Variants in ABR observed in about 807,000 individuals in gnomAD.
The protein encoded by ABR is active breakpoint cluster region-related protein.
In ABR, 35 loss-of-function variants were observed where a neutral mutation model predicts 107.2. That is an observed-to-expected ratio of 0.33 (90% CI 0.25 to 0.43). ABR has a LOEUF of 0.43. ABR is among the 20% of genes least tolerant of loss of function. The pLI, the probability that ABR is intolerant of heterozygous loss-of-function variation, is 1.00. For synonymous variants in ABR, 498 were observed against 462.0 expected, an observed-to-expected ratio of 1.08 and a Z score of -1.00; for missense variants, 815 against 1,115.2, an observed-to-expected ratio of 0.73 and a Z score of 3.83.
chr17:1,137,238 T>A (rs1029603589), intron 1 of ABR, among the ~76,000 whole-genome samples: 6 of 152,060 alleles, frequency 3.9e-5, no homozygotes, highest in Admixed American at 3.9e-4. Flanking sequence ...GCGATGGGGT[T>A]TCACCATGTT....
intron 16 of ABR, among the ~76,000 whole-genome samples, chr17:1,033,060 T>C (rs8069477): frequency 0.42 from 64,325 of 152,046 alleles, 14,541 homozygotes; most frequent in Admixed American, 0.52. Context: ...GGGAGGTCCC[T>C]CCAAAGCCCT....
At chr17:1,228,776 C>G (rs1196293397) in intron 1 of ABR, 2 of 149,276 alleles carry the variant, frequency 1.3e-5, no homozygotes, top group Non-Finnish European at 3.0e-5. Context: ...CGAGCGGGGT[C>G]TGGGGGGGGC....
chr17:1,125,980 C>A (rs1359414173), intron 1 of ABR, among the ~76,000 whole-genome samples: 1 of 152,178 alleles, frequency 6.6e-6, no homozygotes. Flanking sequence ...GACAGGGGCT[C>A]ACAGCAGACT....
intron 16 of ABR, among the ~76,000 whole-genome samples, chr17:1,024,040 A>AAAAAAAAAAGAAAAAAAAAAAAAT (rs2071959455): frequency 6.7e-6 from 1 of 149,226 alleles, no homozygotes; most frequent in Non-Finnish European, 1.5e-5. Context: ...AAAAAAAAAA[A>AAAAAAAAAAGAAAAAAAAAAAAAT]AAAAAAAAAG....
intron 1 of ABR, chr17:1,178,104 T>G (rs2041977307): frequency 6.6e-6 from 1 of 151,812 alleles, no homozygotes; most frequent in African/African-American, 2.4e-5. Context: ...AGGAGGCGGG[T>G]GGAGAAGAAG....
Position 1,067,072 on chromosome 17 carries a change from C to A in ABR, c.1182+5G>T. On this transcript the variant is annotated splice_donor_5th_base_variant and intron_variant, in intron 10 of 22. Coordinates refer to ENST00000302538, the MANE Select transcript of ABR (RefSeq NM_021962.5). ...CCCCAGGCTCAGATACCAAGCTCTG[C>A]TCACCTCCTTCTGGATTTCACTCTT... 6.2e-7 allele frequency: 1 copy of A among 1,612,682 alleles called. No homozygotes were observed. Among genetic ancestry groups the A allele is most frequent in the Non-Finnish European group, 8.5e-7 (1 of 1,179,376 alleles).
At chr17:1,105,819 T>C (rs1482933860) in intron 2 of ABR, among the ~76,000 whole-genome samples, 1 of 152,040 alleles carries the variant, frequency 6.6e-6, no homozygotes, top group African/African-American at 2.4e-5. Flanking sequence ...AGAGCCATGA[T>C]TGTGCCATCG....
chr17:1,069,207 A>G (rs898481011), intron 9 of ABR, among the ~76,000 whole-genome samples: 1 of 152,294 alleles, frequency 6.6e-6, no homozygotes, highest in African/African-American at 2.4e-5. Flanking sequence ...GAGAACATTT[A>G]AAAACAGGGA....
At chr17:1,164,197 G>T (rs61590878) in intron 1 of ABR, among the ~76,000 whole-genome samples, 1 of 29,776 alleles carries the variant, frequency 3.4e-5, no homozygotes, top group African/African-American at 1.6e-4. Flanking sequence ...AGACGCAGGG[G>T]CCCCAGATAA....
chr17:1,059,226 T>G (rs2033665547), intron 10 of ABR, among the ~76,000 whole-genome samples: 1 of 152,104 alleles, frequency 6.6e-6, no homozygotes. Flanking sequence ...AGACCACTCC[T>G]CTAGCCCAGG....
intron 1 of ABR, among the ~76,000 whole-genome samples, chr17:1,161,743 C>T (rs1410148726): frequency 6.6e-6 from 1 of 152,032 alleles, no homozygotes; most frequent in Non-Finnish European, 1.5e-5. Flanking sequence ...TTAGTAGAGA[C>T]AGGGTTTCAC....
Position 1,010,890 on chromosome 17 carries a change from A to G in ABR, c.2102-27T>C, listed in dbSNP as rs1372651326. 6.2e-7 allele frequency: 1 copy of G among 1,611,936 alleles called. No individual in the cohort carries two copies. Among genetic ancestry groups the G allele is most frequent in the Non-Finnish European group, 8.5e-7 (1 of 1,179,826 alleles). On this transcript the variant is annotated intron_variant, in intron 19 of 22. Transcript: ENST00000302538. The surrounding 1 kb of genome is among the most constrained non-coding windows in gnomAD (Gnocchi z 4.1). ...TGCAGGGGTGGGGCCGAGGTCAGGC[A>G]GCCTTAGCTGGGCCAGCAGCCCCGT...
At chr17:1,170,541 A>G (rs1408384356) in intron 1 of ABR, among the ~76,000 whole-genome samples, 1 of 152,068 alleles carries the variant, frequency 6.6e-6, no homozygotes, top group African/African-American at 2.4e-5. Flanking sequence ...GATTCAAGCA[A>G]TTCTCCTACC....
chr17:1,054,432 C>A (rs569969439), intron 14 of ABR, among the ~76,000 whole-genome samples: 4 of 152,152 alleles, frequency 2.6e-5, no homozygotes, highest in Non-Finnish European at 4.4e-5. Context: ...GTGCCATAAC[C>A]AGCTTGCCCT....
In ABR at chr17:1,091,940, G is replaced by A. The variant is rs113379680; in HGVS notation, c.346-90C>T. Reference sequence around the variant, plus strand: ...CCGGGGCCGATCGTTAGCCCTTCCCGCTGCCCAAGTCCTGCCCAGACAAGG... The same window carrying A: ...CCGGGGCCGATCGTTAGCCCTTCCCACTGCCCAAGTCCTGCCCAGACAAGG... On this transcript the variant is annotated intron_variant, in intron 3 of 22. Transcript: ENST00000302538. The A allele has an allele frequency of 8.8e-3, 11,819 of 1,344,180 alleles. 107 individuals are homozygous for A. The highest frequency in any genetic ancestry group is 0.038 in the Middle Eastern group (148 of 3,942). 83.3% of individuals were successfully genotyped at this position (1,344,180 alleles called of 1,614,324 possible). A position where few individuals can be genotyped will look rare whatever the true frequency, so the allele number is the denominator to read the frequency against.
At chr17:1,009,847 G>C in intron 20 of ABR, 63 bp from the exon 21 acceptor site, 1 of 1,451,272 alleles carries the variant, frequency 6.9e-7, no homozygotes, top group South Asian at 1.1e-5. Context: ...GGCCCCTGTG[G>C]TCGTGAGGCT....
chr17:1,125,164 G>A lies in ABR; in HGVS notation c.246+19C>T, dbSNP rs755044923. ...CGTCACCCCTCCCCAAACCCAGAAAGAAAAGCCGGTGTACCTACCCCAGGA... is the reference window on the plus strand; with the variant it reads ...CGTCACCCCTCCCCAAACCCAGAAAAAAAAGCCGGTGTACCTACCCCAGGA... On this transcript the variant is annotated intron_variant, in intron 2 of 22. Transcript: ENST00000302538. 2 of 1,543,216 alleles carry A rather than the reference G, an allele frequency of 1.3e-6. No homozygotes were observed. The highest frequency in any genetic ancestry group is 4.0e-5 in the Admixed American group (2 of 49,814).
rs748758108 is a variant in ABR at position 1,157,721 on chromosome 17, G to A, written c.61+21946C>T. Among the ~76,000 whole-genome samples the A allele has an allele frequency of 1.9e-4, 29 of 152,226 alleles. No homozygotes were observed. Among genetic ancestry groups the A allele is most frequent in the Non-Finnish European group, 3.2e-4 (22 of 68,048 alleles). On this transcript the variant is annotated intron_variant, in intron 1 of 22. Coordinates refer to ENST00000302538, the MANE Select transcript of ABR (RefSeq NM_021962.5). The surrounding 1 kb of genome is among the most constrained non-coding windows in gnomAD (Gnocchi z 4.7). ...GAACCGGCAGGCACACCGCTCTCAC[G>A]CCAATGCGTGCGGACAGCCTGGTGG...
chr17:1,131,158 C>T (rs1202689243), intron 1 of ABR, among the ~76,000 whole-genome samples: 1 of 126,154 alleles, frequency 7.9e-6, no homozygotes, highest in Non-Finnish European at 1.6e-5. Context: ...AAATGCAGTG[C>T]CTGCCACGCG....
Sources: gnomAD v4.1 joint callset for allele counts (sites outside exome capture counted in the v4.1 genomes callset) on GRCh38, gnomAD v4.1.1 for gene constraint, Gnocchi (gnomAD v3.1) non-coding constraint, MANE v1.5 for transcripts, NCBI Gene and HGNC (gene_info 2026-07-23, HGNC 2026-07-21) for gene names.